Variants in RASA3 observed in about 807,000 individuals in gnomAD.
RASA3 encodes the protein ras GTPase-activating protein 3.
Under a neutral mutation model 110.0 loss-of-function variants are expected in RASA3, and 73 were observed. That is an observed-to-expected ratio of 0.66 (90% CI 0.55 to 0.81). The LOEUF (loss-of-function observed/expected upper bound fraction) is 0.81, where lower values mean the gene tolerates loss of function less well. RASA3 is among the 30% of genes least tolerant of loss of function. The probability of loss-of-function intolerance (pLI) is 0.00; values close to 1 mark genes in which losing one functional copy is unlikely to be tolerated. For missense variants in RASA3, 976 were observed against 1,113.2 expected, an observed-to-expected ratio of 0.88 and a Z score of 1.75; for synonymous variants, 500 against 451.4, an observed-to-expected ratio of 1.11 and a Z score of -1.37.
chr13:114,035,554 T>A (rs1049292389), intron 4 of RASA3: 1 of 152,336 alleles, frequency 6.6e-6, no homozygotes, highest in Non-Finnish European at 1.5e-5. Flanking sequence ...TCCCTATCCA[T>A]CTTTCTCAGG....
chr13:114,098,028 C>T (rs1566570041), intron 1 of RASA3, among the ~76,000 whole-genome samples: 2 of 152,280 alleles, frequency 1.3e-5, no homozygotes, highest in East Asian at 3.9e-4. Context: ...GCTCTCAGCC[C>T]TCAGCTGAGC....
intron 5 of RASA3, 124 bp downstream of exon 5, chr13:114,029,687 G>T: frequency 1.0e-6 from 1 of 955,208 alleles, no homozygotes; most frequent in South Asian, 1.4e-5. Context: ...TCTAAACAGT[G>T]TCATCCTGGG....
chr13:114,123,750 T>C (rs1463883981), intron 1 of RASA3, among the ~76,000 whole-genome samples: 1 of 152,128 alleles, frequency 6.6e-6, no homozygotes, highest in Non-Finnish European at 1.5e-5. Flanking sequence ...GGGTGGGCCA[T>C]GCGGGGCTGG....
intron 18 of RASA3, among the ~76,000 whole-genome samples, chr13:114,005,850 T>TCC (rs200334631): frequency 4.0e-5 from 3 of 74,870 alleles, no homozygotes; most frequent in African/African-American, 6.4e-5. Context: ...CTTACCCTTC[T>TCC]CCCCTCCTGC....
At chr13:114,118,239 C>T (rs1054416988) in intron 1 of RASA3, among the ~76,000 whole-genome samples, 1 of 152,076 alleles carries the variant, frequency 6.6e-6, no homozygotes, top group Non-Finnish European at 1.5e-5. Flanking sequence ...TCATGGCTCC[C>T]GACGACTGCA....
chr13:114,042,079 T>C (rs910039384), intron 3 of RASA3, among the ~76,000 whole-genome samples: 1 of 152,258 alleles, frequency 6.6e-6, no homozygotes, highest in Admixed American at 6.5e-5. Context: ...GTTTACCTAG[T>C]ATGGATTTAT....
intron 4 of RASA3, among the ~76,000 whole-genome samples, chr13:114,036,643 T>G (rs901094857): frequency 6.6e-6 from 1 of 152,206 alleles, no homozygotes; most frequent in African/African-American, 2.4e-5. Context: ...GTTCAAGCGA[T>G]TCTCCTGCCT....
At chr13:114,107,349 C>T (rs1336468998) in intron 1 of RASA3, among the ~76,000 whole-genome samples, 3 of 145,792 alleles carry the variant, frequency 2.1e-5, no homozygotes, top group East Asian at 3.9e-4. Flanking sequence ...CTGACCCTCG[C>T]GGGGGACGGG....
At position 114,112,563 on chromosome 13, in the gene RASA3, C is replaced by T. The variant is rs904590762; in HGVS notation, c.55+19872G>A. Among the ~76,000 whole-genome samples, 61 of 152,254 alleles carry T rather than the reference C, an allele frequency of 4.0e-4. No homozygotes were observed. The highest frequency in any genetic ancestry group is 1.3e-3 in the African/African-American group (53 of 41,554). On this transcript the variant is annotated intron_variant, in intron 1 of 23. Coordinates refer to ENST00000334062, the MANE Select transcript of RASA3 (RefSeq NM_007368.4). This position sits in a 1 kb window ranked among gnomAD's most constrained non-coding sequence, Gnocchi z 4.8. ...TGCGGCCTGCCTCGAGCACTTCACA[C>T]GCGTGCCCGGGGATGCTGGTGCTGC...
chr13:114,011,059 T>G lies in RASA3; in HGVS notation c.1590+112A>C. On this transcript the variant is annotated intron_variant, in intron 16 of 23. Coordinates refer to ENST00000334062, the MANE Select transcript of RASA3 (RefSeq NM_007368.4). The surrounding 1 kb of genome is among the most constrained non-coding windows in gnomAD (Gnocchi z 4.8). Reference sequence around the variant, plus strand: ...AGGATGTGGTGCCGGCTTTGATTCTTGATCTTTATCTTACGACTCTCTCAA... The same window carrying G: ...AGGATGTGGTGCCGGCTTTGATTCTGGATCTTTATCTTACGACTCTCTCAA... 1 of 1,046,712 alleles carries G rather than the reference T, an allele frequency of 9.6e-7. No individual in the cohort carries two copies. Among genetic ancestry groups the G allele is most frequent in the Non-Finnish European group, 1.4e-6 (1 of 691,370 alleles). The allele number at this position is 1,046,712 out of a possible 1,614,324, so 64.8% of individuals were successfully genotyped here. A position where few individuals can be genotyped will look rare whatever the true frequency, so the allele number is the denominator to read the frequency against.
intron 15 of RASA3, among the ~76,000 whole-genome samples, chr13:114,012,371 C>A (rs1339568482): frequency 1.3e-5 from 2 of 150,114 alleles, no homozygotes; most frequent in Non-Finnish European, 3.0e-5. Context: ...CCATTCCACA[C>A]ACCTTCCACA....
intron 14 of RASA3, among the ~76,000 whole-genome samples, chr13:114,013,609 TCCC>T (rs1398982281): frequency 9.6e-6 from 1 of 103,722 alleles, no homozygotes; most frequent in African/African-American, 4.6e-5. Context: ...TCTGGCTCTC[TCCC>T]CCCCTCCATC....
intron 22 of RASA3, among the ~76,000 whole-genome samples, chr13:113,990,553 G>A (rs1234682021): frequency 6.6e-6 from 1 of 152,244 alleles, no homozygotes; most frequent in Non-Finnish European, 1.5e-5. Flanking sequence ...CTGGGAAGAG[G>A]CTGGCTGATG....
intron 14 of RASA3, among the ~76,000 whole-genome samples, chr13:114,013,895 TTTC>T (rs747926216): frequency 0.18 from 14,772 of 82,826 alleles, 2,045 homozygotes; most frequent in Middle Eastern, 0.25. Flanking sequence ...TCTCTCTCTT[TTTC>T]TCTCTTTCTC....
intron 2 of RASA3, among the ~76,000 whole-genome samples, chr13:114,064,641 C>G (rs1208863667): frequency 1.3e-5 from 2 of 152,248 alleles, no homozygotes; most frequent in African/African-American, 4.8e-5. Context: ...TCCCATCCCC[C>G]ATCCTGTTCG....
chr13:114,005,723 G>A (rs1472959690), intron 18 of RASA3, among the ~76,000 whole-genome samples: 1 of 151,982 alleles, frequency 6.6e-6, no homozygotes. Context: ...TGGGGACTGG[G>A]GGCCCCCATC....
chr13:114,050,473 T>C (rs775416517), intron 3 of RASA3, among the ~76,000 whole-genome samples: 10 of 152,228 alleles, frequency 6.6e-5, no homozygotes, highest in Non-Finnish European at 1.2e-4. Flanking sequence ...CAGCAGTTTC[T>C]AAGAATAATC....
rs557287557 is a variant in RASA3, at chr13:113,989,859, G to A, written c.2245+2626C>T. ...ACTGCATATGGAAGCTGAGGAGATG[G>A]GAGATGGTTGTGACTTTGGTGACAC... On this transcript the variant is annotated intron_variant, in intron 22 of 23. Coordinates refer to ENST00000334062, the MANE Select transcript of RASA3 (RefSeq NM_007368.4). Among the ~76,000 whole-genome samples the A allele has an allele frequency of 5.8e-4, 88 of 152,356 alleles. 2 individuals carry two copies. The highest frequency in any genetic ancestry group is 2.1e-3 in the African/African-American group (86 of 41,574).
intron 1 of RASA3, among the ~76,000 whole-genome samples, chr13:114,090,079 AGTT>A (rs1292196261): frequency 1.3e-5 from 2 of 152,274 alleles, no homozygotes; most frequent in South Asian, 2.1e-4. Context: ...CCCAGCTTTC[AGTT>A]GTTGTGAATG....
Sources: allele counts gnomAD v4.1 joint callset (sites outside exome capture counted in the v4.1 genomes callset), GRCh38; gene constraint gnomAD v4.1.1; non-coding constraint Gnocchi (gnomAD v3.1); transcripts MANE v1.5; gene names NCBI Gene and HGNC (gene_info 2026-07-23, HGNC 2026-07-21).